Variants in SLC2A9 observed in about 807,000 individuals in gnomAD.
The protein encoded by SLC2A9 is solute carrier family 2, facilitated glucose transporter member 9.
In SLC2A9, 39 loss-of-function variants were observed where a neutral mutation model predicts 50.6. The observed-to-expected ratio is 0.77, with a 90% CI of 0.60 to 1.01. The LOEUF (loss-of-function observed/expected upper bound fraction) is 1.01. Among genes scored for constraint, SLC2A9 ranks in the 50% least tolerant of loss-of-function variants. The pLI is 0.00. For synonymous variants in SLC2A9, 324 were observed against 276.9 expected, an observed-to-expected ratio of 1.17 and a Z score of -1.69; for missense variants, 686 against 677.6, an observed-to-expected ratio of 1.01 and a Z score of -0.14.
intron 3 of SLC2A9, among the ~76,000 whole-genome samples, chr4:9,992,312 G>T (rs1340459056): frequency 1.3e-5 from 2 of 152,218 alleles, no homozygotes; most frequent in African/African-American, 4.8e-5. Flanking sequence ...GTGTTAGAAT[G>T]TTATTTGCCA....
chr4:10,026,560 C>T (rs1216615315), intron 1 of SLC2A9, among the ~76,000 whole-genome samples: 3 of 152,156 alleles, frequency 2.0e-5, no homozygotes, highest in African/African-American at 4.8e-5. Context: ...AACTTGTGCA[C>T]GAATGTTCAC....
At chr4:10,012,913 T>A (rs1013214957) in intron 2 of SLC2A9, among the ~76,000 whole-genome samples, 10 of 152,090 alleles carry the variant, frequency 6.6e-5, no homozygotes, top group African/African-American at 1.9e-4. Context: ...GCTTTCTAGA[T>A]ATAGTGGGTT....
chr4:9,828,536 C>T (rs1164095316), intron 11 of SLC2A9, among the ~76,000 whole-genome samples: 1 of 152,202 alleles, frequency 6.6e-6, no homozygotes, highest in African/African-American at 2.4e-5. Context: ...TTTCTCTGAT[C>T]TTACTCTCCT....
chr4:9,886,248 T>C (rs1736180297), intron 10 of SLC2A9, among the ~76,000 whole-genome samples: 1 of 152,200 alleles, frequency 6.6e-6, no homozygotes. Context: ...AGAGCACTGA[T>C]GTGAAGATGT....
chr4:9,915,490 G>T (rs142069839), intron 7 of SLC2A9, among the ~76,000 whole-genome samples: 134 of 152,246 alleles, frequency 8.8e-4, no homozygotes, highest in African/African-American at 2.9e-3. Flanking sequence ...CCCACCCCAG[G>T]CTCCCAAAGT....
At chr4:10,002,207 T>C (rs751538258) in intron 2 of SLC2A9, among the ~76,000 whole-genome samples, 16 of 152,236 alleles carry the variant, frequency 1.1e-4, no homozygotes, top group Non-Finnish European at 1.6e-4. Context: ...CTTCCAGGCC[T>C]GGCTCTCCAG....
Position 9,841,977 on chromosome 4 carries a change from T to C in SLC2A9, c.1292-6969A>G, listed in dbSNP as rs141566828. ...TCATAAAATCTCCTTCTCTGGTCAG[T>C]GCTGTTTTCTAAAGAGTGGAGACAG... On this transcript the variant is annotated intron_variant, in intron 10 of 11. Coordinates refer to ENST00000264784, the MANE Select transcript of SLC2A9 (RefSeq NM_020041.3). Among the ~76,000 whole-genome samples the C allele has an allele frequency of 3.4e-4, 52 of 152,340 alleles. 1 individual carries two copies. In the East Asian group the frequency reaches 9.2e-3, roughly 27 times the overall value.
chr4:9,937,260 C>T (rs1486285325), intron 6 of SLC2A9, among the ~76,000 whole-genome samples: 3 of 152,192 alleles, frequency 2.0e-5, no homozygotes, highest in African/African-American at 7.2e-5. Flanking sequence ...GCTCTGAGGG[C>T]TGGAGGCTTT....
chr4:9,873,154 T>A (rs1733729034), intron 10 of SLC2A9, among the ~76,000 whole-genome samples: 1 of 152,162 alleles, frequency 6.6e-6, no homozygotes, highest in African/African-American at 2.4e-5. Context: ...CCCTGACCCA[T>A]GACTGTTATT....
chr4:9,913,436 C>T (rs1414184446), intron 7 of SLC2A9, among the ~76,000 whole-genome samples: 3 of 151,966 alleles, frequency 2.0e-5, no homozygotes, highest in African/African-American at 7.2e-5. Context: ...CCGCCACAGA[C>T]AAATGGTGAT....
downstream of SLC2A9, among the ~76,000 whole-genome samples, chr4:9,825,545 T>TC (rs1328195852): frequency 6.6e-6 from 1 of 151,596 alleles, no homozygotes; most frequent in East Asian, 1.9e-4. Flanking sequence ...TTTTTTTTTT[T>TC]CCCACCAAGC....
chr4:9,934,042 C>A lies in SLC2A9; in HGVS notation c.814+7871G>T, dbSNP rs193085728. 3.7e-4 allele frequency among the ~76,000 whole-genome samples: 57 copies of A among 152,272 alleles called. No individual in the cohort carries two copies. In the South Asian group the frequency reaches 5.6e-3, roughly 15 times the overall value. On this transcript the variant is annotated intron_variant, in intron 6 of 11. Transcript: ENST00000264784. The stretch of plus-strand genomic sequence containing the variant: ...TGAGCAGCCTTAATTCCATCTGTGA[C>A]CTTAATTCCATCTGTGGCCCTAATT...
intron 1 of SLC2A9, among the ~76,000 whole-genome samples, chr4:10,028,228 T>C (rs1360799805): frequency 2.0e-5 from 3 of 152,190 alleles, no homozygotes; most frequent in Non-Finnish European, 4.4e-5. Context: ...AGTCCTGATA[T>C]GGATTTGACA....
At chr4:10,022,779 G>A (rs1456312114), upstream of SLC2A9, among the ~76,000 whole-genome samples, 1 of 152,218 alleles carries the variant, frequency 6.6e-6, no homozygotes. Flanking sequence ...AAACGCACGT[G>A]GAAACGTCCG....
At chr4:9,780,856 C>T (rs996810594) in intron 3 of SLC2A9, among the ~76,000 whole-genome samples, 2 of 152,136 alleles carry the variant, frequency 1.3e-5, no homozygotes, top group Non-Finnish European at 2.9e-5. Flanking sequence ...AGCTATTTAT[C>T]CATCCCTCTC....
chr4:9,976,775 C>T (rs1252925336), intron 5 of SLC2A9, among the ~76,000 whole-genome samples: 2 of 152,188 alleles, frequency 1.3e-5, no homozygotes, highest in African/African-American at 2.4e-5. Context: ...GAGAGAGTGT[C>T]CCAGCCTCAG....
intron 3 of SLC2A9, chr4:9,782,176 A>G: frequency 1.2e-6 from 2 of 1,600,842 alleles, no homozygotes; most frequent in Non-Finnish European, 8.5e-7. Flanking sequence ...TGCTGACCCT[A>G]CTCATCATCT....
At chr4:9,773,329 T>A (rs1717095379) in intron 1 of SLC2A9, among the ~76,000 whole-genome samples, 1 of 152,156 alleles carries the variant, frequency 6.6e-6, no homozygotes, top group Non-Finnish European at 1.5e-5. Flanking sequence ...GGCTGGGAGC[T>A]CAGCTTGTAT....
intron 7 of SLC2A9, among the ~76,000 whole-genome samples, chr4:9,910,907 C>T (rs886702204): frequency 1.1e-4 from 17 of 150,976 alleles, no homozygotes; most frequent in African/African-American, 3.4e-4. Flanking sequence ...AACAGAAAAC[C>T]AAACACCACA....
Sources: allele counts gnomAD v4.1 joint callset (sites outside exome capture counted in the v4.1 genomes callset), GRCh38; gene constraint gnomAD v4.1.1; transcripts MANE v1.5; gene names NCBI Gene and HGNC (gene_info 2026-07-23, HGNC 2026-07-21).